DNAH5: variants seen among roughly 807,000 people sequenced by gnomAD.
DNAH5 encodes axonemal beta dynein heavy chain 5.
In DNAH5, 372 loss-of-function variants were observed where a neutral mutation model predicts 518.2. That is an observed-to-expected ratio of 0.72 (90% confidence interval 0.66 to 0.78). The LOEUF (loss-of-function observed/expected upper bound fraction) is 0.78. Among genes scored for constraint, DNAH5 ranks in the 30% least tolerant of loss-of-function variants. DNAH5 has a pLI of 0.00. For synonymous variants in DNAH5, 2,039 were observed against 2,025.9 expected (o/e 1.01, Z -0.17); for missense variants, 5,523 against 5,687.0 (o/e 0.97, Z 0.93).
chr5:13,723,137 T>C (rs1420171462), intron 70 of DNAH5, among the ~76,000 whole-genome samples: 1 of 151,340 alleles, frequency 6.6e-6, no homozygotes, highest in Non-Finnish European at 1.5e-5. Flanking sequence ...CTCTCAATAC[T>C]TTTTCTAGGT....
At chr5:13,703,470 T>G (rs558421158) in intron 76 of DNAH5, among the ~76,000 whole-genome samples, 1 of 152,174 alleles carries the variant, frequency 6.6e-6, no homozygotes, top group Non-Finnish European at 1.5e-5. Flanking sequence ...TCAAAACCCA[T>G]AGACTACCTT....
chr5:13,919,937 A>T (rs1003694622), intron 6 of DNAH5, among the ~76,000 whole-genome samples: 1 of 152,230 alleles, frequency 6.6e-6, no homozygotes, highest in Non-Finnish European at 1.5e-5. Flanking sequence ...AAAACTACCT[A>T]TTTAATGAGC....
At chr5:13,973,020 A>T (rs1781986886) in intron 1 of DNAH5, among the ~76,000 whole-genome samples, 2 of 152,222 alleles carry the variant, frequency 1.3e-5, no homozygotes, top group Admixed American at 1.3e-4. Flanking sequence ...ACGTGACAAC[A>T]GGGGCTTAGC....
intron 57 of DNAH5, 100 bp downstream of exon 57, chr5:13,769,401 T>C (rs554027113): frequency 1.9e-6 from 2 of 1,028,156 alleles, no homozygotes; most frequent in East Asian, 2.4e-5. Context: ...GAAGTTAATG[T>C]ATACTTCACT....
rs114555041 is a variant in DNAH5, at chr5:13,919,683, G to T, written c.799-331C>A. 8.5e-3 allele frequency among the ~76,000 whole-genome samples: 1,291 copies of T among 152,172 alleles called. 17 individuals are homozygous for T. The highest frequency in any genetic ancestry group is 0.03 in the African/African-American group (1,244 of 41,494). On this transcript the variant is annotated intron_variant, in intron 6 of 78. Transcript: ENST00000265104. ...TTACATATTTATGGGGTACATGTGA[G>T]TATTTGTTATATATGTAGAATGTGT... is the stretch of plus-strand genomic sequence containing the variant.
At chr5:13,955,459 G>A (rs994892081) in intron 1 of DNAH5, among the ~76,000 whole-genome samples, 4 of 152,102 alleles carry the variant, frequency 2.6e-5, no homozygotes, top group Admixed American at 2.0e-4. Context: ...ACAAAGAATG[G>A]AAGAAAACAG....
chr5:13,720,916 A>T, intron 71 of DNAH5, 84 bp downstream of exon 71: 4 of 1,584,416 alleles, frequency 2.5e-6, no homozygotes, highest in Non-Finnish European at 3.5e-6. Context: ...TAAACTCCTA[A>T]TGATTTATAT....
At chr5:13,762,125 T>G (rs1015449319) in intron 60 of DNAH5, among the ~76,000 whole-genome samples, 1 of 152,176 alleles carries the variant, frequency 6.6e-6, no homozygotes, top group East Asian at 1.9e-4. Context: ...AGACTGACCT[T>G]TTAATGGTAG....
At chr5:13,813,322 A>G (rs146734007) in intron 43 of DNAH5, among the ~76,000 whole-genome samples, 6 of 152,166 alleles carry the variant, frequency 3.9e-5, no homozygotes, top group East Asian at 1.9e-4. Context: ...TAGTTGTATA[A>G]AAGTATTTTT....
rs761721014 is a variant in DNAH5 at position 13,885,071 on chromosome 5, C to T, written c.2901G>A (p.Met967Ile). 2.5e-6 allele frequency: 4 copies of T among 1,614,178 alleles called. No homozygotes were observed. In the East Asian group the frequency reaches 8.9e-5, roughly 36 times the overall value. ...ELLSHFNHQN[M>I]DALLKVTRNT... ...TCCTTGTAACTTTCAGAAGAGCATC[C>T]ATGTTCTGATGGTTGAAATGAGAGA... Residue 967 changes from methionine to isoleucine, a missense_variant, in exon 19 of 79, where the codon ATG becomes ATA. Physicochemically the swap from Met to Ile is conservative, Grantham distance 10. This residue lies in a region of DNAH5 where 5,121 missense variants were observed against 5,223.3 expected (regional missense o/e 0.98). Transcript: ENST00000265104.
At chr5:13,819,803 C>A (rs902800466) in intron 41 of DNAH5, among the ~76,000 whole-genome samples, 9 of 152,126 alleles carry the variant, frequency 5.9e-5, no homozygotes, top group African/African-American at 2.2e-4. Context: ...TAAAATAAAT[C>A]TGATTCCAAA....
At chr5:13,944,282 T>C in intron 1 of DNAH5, 100 bp downstream of exon 1, 1 of 1,104,174 alleles carries the variant, frequency 9.1e-7, no homozygotes, top group Non-Finnish European at 1.4e-6. Context: ...AATTCATCAG[T>C]GTGTGACTTT....
chr5:13,897,918 G>A (rs2151957749), intron 15 of DNAH5: 2 of 152,276 alleles, frequency 1.3e-5, no homozygotes, highest in Middle Eastern at 6.8e-3. Context: ...TAAAGACCAT[G>A]TGACTTCTTT....
chr5:13,824,461 C>G, intron 38 of DNAH5, 128 bp from the exon 39 acceptor site: 4 of 859,236 alleles, frequency 4.7e-6, no homozygotes, highest in South Asian at 1.5e-5. Flanking sequence ...AATGCATACA[C>G]ACAATGGGGT....
intron 70 of DNAH5, among the ~76,000 whole-genome samples, chr5:13,724,370 A>G (rs1205912479): frequency 6.6e-6 from 1 of 152,166 alleles, no homozygotes; most frequent in East Asian, 1.9e-4. Context: ...GAATGGTAAT[A>G]TTTACCCAAT....
chr5:13,739,471 A>T (rs34674518), intron 65 of DNAH5, among the ~76,000 whole-genome samples: 3 of 151,898 alleles, frequency 2.0e-5, no homozygotes, highest in Admixed American at 2.0e-4. Flanking sequence ...CCAGCCATGC[A>T]GAACTGTGAG....
At chr5:13,843,634 C>G (rs1459865622) in intron 32 of DNAH5, among the ~76,000 whole-genome samples, 5 of 152,154 alleles carry the variant, frequency 3.3e-5, no homozygotes, top group Non-Finnish European at 7.3e-5. Context: ...AATACACTCC[C>G]TCACACATCC....
chr5:13,943,522 T>C (rs1183742301), intron 1 of DNAH5, among the ~76,000 whole-genome samples: 2 of 152,236 alleles, frequency 1.3e-5, no homozygotes, highest in Non-Finnish European at 2.9e-5. Flanking sequence ...GAGTCAGCTC[T>C]TCCAGAATGG....
intron 38 of DNAH5, 99 bp downstream of exon 38, chr5:13,829,411 T>C: frequency 8.0e-7 from 1 of 1,255,110 alleles, no homozygotes; most frequent in Non-Finnish European, 1.1e-6. Flanking sequence ...TAAAATCCTT[T>C]GTCAACAAGC....
Sources: gnomAD v4.1 joint callset for allele counts (sites outside exome capture counted in the v4.1 genomes callset) on GRCh38, gnomAD v4.1.1 for gene constraint, gnomAD v4.1.1 regional missense constraint, MANE v1.5 for transcripts, NCBI Gene and HGNC (gene_info 2026-07-23, HGNC 2026-07-21) for gene names.